Variants in ZNF700 observed in about 807,000 individuals in gnomAD.
The protein encoded by ZNF700 is zinc finger protein 700.
ZNF700 carries 38 observed loss-of-function variants against 65.3 expected under a neutral mutation model. The ratio of observed to expected loss-of-function variants is 0.58; its 90% CI spans 0.45 to 0.76. The LOEUF is 0.76. Among genes scored for constraint, ZNF700 ranks in the 30% least tolerant of loss-of-function variants. The pLI is 0.00. For missense variants in ZNF700, 857 were observed against 888.4 expected (o/e 0.96, Z 0.45); for synonymous variants, 285 against 290.4 (o/e 0.98, Z 0.19).
intron 1 of ZNF700, among the ~76,000 whole-genome samples, chr19:11,929,863 C>T (rs1044772509): frequency 1.3e-5 from 2 of 148,578 alleles, no homozygotes; most frequent in African/African-American, 5.2e-5. Flanking sequence ...AAAATCCTTT[C>T]TGCCTCTCCT....
chr19:11,941,429 G>C (rs1453634540), intron 1 of ZNF700, among the ~76,000 whole-genome samples: 1 of 152,228 alleles, frequency 6.6e-6, no homozygotes, highest in Non-Finnish European at 1.5e-5. Flanking sequence ...TGCAGGTCCC[G>C]AGCCCTGCCC....
At chr19:11,926,608 C>G (rs997730069) in intron 1 of ZNF700, 1 of 154,084 alleles carries the variant, frequency 6.5e-6, no homozygotes, top group African/African-American at 2.4e-5. Context: ...AGGCTGGTCT[C>G]GAACTCCTGA....
At position 11,949,734 on chromosome 19, in the gene ZNF700, G is replaced by C. The variant is rs774609334; in HGVS notation, c.1710G>C (p.Gly570=). 2 of 1,613,210 alleles carry C rather than the reference G, an allele frequency of 1.2e-6. No individual in the cohort carries two copies. Among genetic ancestry groups the C allele is most frequent in the Non-Finnish European group, 8.5e-7 (1 of 1,179,832 alleles). ...GEKPYECKQC[G]KAFRSASHLR... ...AACCCTATGAGTGTAAGCAATGTGG[G>C]AAAGCCTTCAGATCTGCCTCACACC... Residue 570 remains glycine, a synonymous_variant, in exon 4 of 4, where the codon GGG becomes GGC. Coordinates refer to ENST00000254321, the MANE Select transcript of ZNF700 (RefSeq NM_144566.3).
intron 1 of ZNF700, among the ~76,000 whole-genome samples, chr19:11,943,146 T>A (rs2145294015): frequency 6.6e-6 from 1 of 152,310 alleles, no homozygotes; most frequent in South Asian, 2.1e-4. Context: ...TTTTAAATCC[T>A]CCTAGTGCTG....
chr19:11,950,032 C>G lies in ZNF700; in HGVS notation c.2008C>G (p.His670Asp). The G allele has an allele frequency of 6.2e-7, 1 of 1,614,040 alleles. No homozygotes were observed. Among genetic ancestry groups the G allele is most frequent in the Non-Finnish European group, 8.5e-7 (1 of 1,179,992 alleles). The stretch of plus-strand genomic sequence containing the variant: ...TTCTTTTCAAATACATGAAAGGAAG[C>G]ACAGAGGAGAGAAGCCCTATGAATG... The part of the protein sequence containing the change: ...FSSFQIHERK[H>D]RGEKPYECKH... The change falls in exon 4 of 4, where the codon CAC (histidine) becomes GAC (aspartate). Residue 670 changes from histidine (H) to aspartate (D), a missense_variant. Transcript: ENST00000254321.
At chr19:11,930,391 A>G (rs1490406637) in intron 1 of ZNF700, among the ~76,000 whole-genome samples, 1 of 148,626 alleles carries the variant, frequency 6.7e-6, no homozygotes, top group Non-Finnish European at 1.5e-5. Context: ...TGGAACAAAT[A>G]TATGTGAGTT....
At chr19:11,927,381 T>G (rs1258878356) in intron 1 of ZNF700, among the ~76,000 whole-genome samples, 3 of 150,452 alleles carry the variant, frequency 2.0e-5, no homozygotes, top group African/African-American at 7.4e-5. Flanking sequence ...AGGAAAGAGG[T>G]CAAGACCAAC....
chr19:11,937,883 A>G (rs1319386345), intron 1 of ZNF700, among the ~76,000 whole-genome samples: 2 of 151,948 alleles, frequency 1.3e-5, no homozygotes, highest in Non-Finnish European at 2.9e-5. Flanking sequence ...GGAGATATTA[A>G]CCCATTTATG....
intron 1 of ZNF700, among the ~76,000 whole-genome samples, chr19:11,942,733 C>T (rs1247483971): frequency 6.6e-6 from 1 of 152,186 alleles, no homozygotes; most frequent in African/African-American, 2.4e-5. Context: ...CATACAATGT[C>T]TGGAATCTAT....
In ZNF700 at chr19:11,932,827, C is replaced by T. The variant is rs962687641; in HGVS notation, c.63+7554C>T. Reference sequence around the variant, plus strand: ...TAATTTTTTGTATTTTTAGTAGAGACGGGGTTTCACCGTGTTAGCCAGGAT... The same window carrying T: ...TAATTTTTTGTATTTTTAGTAGAGATGGGGTTTCACCGTGTTAGCCAGGAT... On this transcript the variant is annotated intron_variant, in intron 1 of 3. Transcript: ENST00000254321. Among the ~76,000 whole-genome samples, 25 of 147,262 alleles carry T rather than the reference C, an allele frequency of 1.7e-4. 1 individual carries two copies. Among genetic ancestry groups the T allele is most frequent in the East Asian group, 1.9e-4 (1 of 5,172 alleles).
At position 11,947,172 on chromosome 19, in the gene ZNF700, A is replaced by G. The variant is rs570568275; in HGVS notation, c.64-9A>G. 22 of 1,612,808 alleles carry G rather than the reference A, an allele frequency of 1.4e-5. No homozygotes were observed. In the Admixed American group the frequency reaches 2.2e-4, roughly 16 times the overall value. ...ACCCATCTTCCTCTACACATGTGAGATGTTTCAGGACCCAGTGGCCTTTGA... is the reference window on the plus strand; with the variant it reads ...ACCCATCTTCCTCTACACATGTGAGGTGTTTCAGGACCCAGTGGCCTTTGA... On this transcript the variant is annotated splice_polypyrimidine_tract_variant and intron_variant, in intron 1 of 3. Coordinates refer to ENST00000254321, the MANE Select transcript of ZNF700 (RefSeq NM_144566.3).
Position 11,947,557 on chromosome 19 carries a change from C to T in ZNF700, c.234C>T (p.Asn78=). The part of the protein sequence containing the change: ...SDQNIEYEYQ[N]PRRSFRSLIE... ...AGAACATTGAATATGAGTACCAAAACCCCAGAAGAAGCTTCAGGTAATTTG... is the reference window on the plus strand; with the variant it reads ...AGAACATTGAATATGAGTACCAAAATCCCAGAAGAAGCTTCAGGTAATTTG... The change falls in exon 3 of 4, where the codon AAC becomes AAT. Residue 78 remains asparagine (N), a synonymous_variant. Transcript: ENST00000254321. The T allele has an allele frequency of 6.2e-7, 1 of 1,613,428 alleles. No individual in the cohort carries two copies. The highest frequency in any genetic ancestry group is 2.2e-5 in the East Asian group (1 of 44,858).
intron 1 of ZNF700, among the ~76,000 whole-genome samples, chr19:11,930,721 C>T (rs10407721): frequency 0.11 from 15,804 of 147,806 alleles, 3,110 homozygotes; most frequent in African/African-American, 0.3. Flanking sequence ...GATGCCCAGA[C>T]TGGGTGTGGT....
intron 1 of ZNF700, chr19:11,940,066 G>T (rs1159507273): frequency 6.6e-6 from 1 of 151,718 alleles, no homozygotes; most frequent in East Asian, 1.9e-4. Context: ...TGAGTAGCTG[G>T]GATTACAGGC....
At chr19:11,934,519 CTTTGTTTG>C (rs1008526604) in intron 1 of ZNF700, among the ~76,000 whole-genome samples, 2 of 146,420 alleles carry the variant, frequency 1.4e-5, no homozygotes, top group South Asian at 2.1e-4. Flanking sequence ...TTCTTTTTTT[CTTTGTTTG>C]TTTGTTTGTT....
At chr19:11,937,386 C>A (rs994216066) in intron 1 of ZNF700, among the ~76,000 whole-genome samples, 2 of 152,084 alleles carry the variant, frequency 1.3e-5, no homozygotes, top group Non-Finnish European at 2.9e-5. Flanking sequence ...CTATGTTGCC[C>A]AGGCTGGTCT....
At chr19:11,927,682 G>T (rs1194190713) in intron 1 of ZNF700, among the ~76,000 whole-genome samples, 1 of 152,126 alleles carries the variant, frequency 6.6e-6, no homozygotes, top group Non-Finnish European at 1.5e-5. Flanking sequence ...TAGCACCCAA[G>T]TGCATTAAAA....
At chr19:11,937,048 T>A (rs1329837228) in intron 1 of ZNF700, among the ~76,000 whole-genome samples, 1 of 152,210 alleles carries the variant, frequency 6.6e-6, no homozygotes, top group East Asian at 1.9e-4. Flanking sequence ...TTGGTCTATA[T>A]ATCTGTTTTG....
chr19:11,936,040 TC>T (rs1271905345), intron 1 of ZNF700, among the ~76,000 whole-genome samples: 1 of 152,206 alleles, frequency 6.6e-6, no homozygotes, highest in African/African-American at 2.4e-5. Context: ...CATGAACTCA[TC>T]CTTTTTTATG....
Sources: gnomAD v4.1 joint callset for allele counts (sites outside exome capture counted in the v4.1 genomes callset) on GRCh38, gnomAD v4.1.1 for gene constraint, MANE v1.5 for transcripts, NCBI Gene and HGNC (gene_info 2026-07-23, HGNC 2026-07-21) for gene names.